FMN1: variants seen among roughly 807,000 people sequenced by gnomAD.
FMN1 encodes formin 1.
Under a neutral mutation model 132.4 loss-of-function variants are expected in FMN1, and 110 were observed. The ratio of observed to expected loss-of-function variants is 0.83; its 90% CI spans 0.71 to 0.97. FMN1 has a LOEUF of 0.97. Ranked by LOEUF, FMN1 falls within the 50% of genes least tolerant of loss-of-function variation. FMN1 has a pLI of 0.00. For missense variants in FMN1, 1,792 were observed against 1,705.3 expected (o/e 1.05, Z -0.90); for synonymous variants, 722 against 651.7 (o/e 1.11, Z -1.64).
At chr15:32,959,910 A>C (rs2030307515) in intron 9 of FMN1, among the ~76,000 whole-genome samples, 1 of 152,248 alleles carries the variant, frequency 6.6e-6, no homozygotes, top group African/African-American at 2.4e-5. Flanking sequence ...ATTTAATACG[A>C]TCCTGCATAA....
intron 10 of FMN1, among the ~76,000 whole-genome samples, chr15:32,915,275 C>A (rs550703711): frequency 3.9e-5 from 6 of 152,120 alleles, no homozygotes; most frequent in African/African-American, 1.4e-4. Flanking sequence ...AGAATCCACA[C>A]CTGATAATTC....
chr15:33,066,722 G>C, intron 5 of FMN1: 1 of 1,613,842 alleles, frequency 6.2e-7, no homozygotes, highest in Non-Finnish European at 8.5e-7. Flanking sequence ...ACCACCCTGG[G>C]TTTGTGGTAC....
chr15:32,842,027 A>G (rs1198910369), intron 17 of FMN1, among the ~76,000 whole-genome samples: 1 of 152,150 alleles, frequency 6.6e-6, no homozygotes, highest in Non-Finnish European at 1.5e-5. Context: ...CCTTCCCTGC[A>G]TGTTTGTGCT....
chr15:33,147,043 T>G (rs1964251948), intron 4 of FMN1, among the ~76,000 whole-genome samples: 1 of 151,480 alleles, frequency 6.6e-6, no homozygotes, highest in African/African-American at 2.4e-5. Context: ...TGCACACCTG[T>G]AATCCCAGCT....
intron 7 of FMN1, among the ~76,000 whole-genome samples, chr15:32,985,478 C>CT (rs1353483837): frequency 3.3e-5 from 5 of 152,122 alleles, no homozygotes; most frequent in Admixed American, 6.6e-5. Context: ...TCCTAGTTGA[C>CT]TGTTAGAAAT....
chr15:32,822,479 A>G (rs1303233341), intron 17 of FMN1, among the ~76,000 whole-genome samples: 3 of 152,186 alleles, frequency 2.0e-5, no homozygotes, highest in Non-Finnish European at 2.9e-5. Context: ...CTAGGTTCTG[A>G]TATTTTTCCC....
At chr15:32,983,814 A>T (rs1380363228) in intron 7 of FMN1, among the ~76,000 whole-genome samples, 1 of 152,214 alleles carries the variant, frequency 6.6e-6, no homozygotes, top group Non-Finnish European at 1.5e-5. Flanking sequence ...AGCATTTTGC[A>T]CTACTATGAC....
intron 9 of FMN1, among the ~76,000 whole-genome samples, chr15:32,946,447 C>G (rs578045487): frequency 2.6e-5 from 4 of 152,324 alleles, no homozygotes; most frequent in South Asian, 2.1e-4. Flanking sequence ...AGATGCCTGA[C>G]TTCTAGTCCT....
chr15:33,149,139 G>A (rs568404345), intron 4 of FMN1, among the ~76,000 whole-genome samples: 3 of 151,954 alleles, frequency 2.0e-5, no homozygotes, highest in Non-Finnish European at 1.5e-5. Flanking sequence ...CAATTTTTCC[G>A]CATCTTTCTC....
chr15:32,778,711 T>C (rs1021489628), intron 19 of FMN1, among the ~76,000 whole-genome samples: 3 of 152,152 alleles, frequency 2.0e-5, no homozygotes, highest in African/African-American at 7.2e-5. Context: ...GTTGATGTGA[T>C]TGTAGAATTA....
chr15:32,893,978 G>A (rs991564579), intron 15 of FMN1, among the ~76,000 whole-genome samples: 1 of 152,144 alleles, frequency 6.6e-6, no homozygotes, highest in African/African-American at 2.4e-5. Flanking sequence ...TGCCACACTA[G>A]TACCTGCTGT....
At chr15:33,083,597 C>T (rs1033378421) in intron 5 of FMN1, among the ~76,000 whole-genome samples, 2 of 152,148 alleles carry the variant, frequency 1.3e-5, no homozygotes, top group African/African-American at 4.8e-5. Flanking sequence ...CAGACCTCAC[C>T]CTATGTATCT....
At chr15:32,912,427 T>C (rs1445457082) in intron 10 of FMN1, among the ~76,000 whole-genome samples, 2 of 152,252 alleles carry the variant, frequency 1.3e-5, no homozygotes, top group African/African-American at 4.8e-5. Context: ...GTACAGGATC[T>C]GTTCTAAATA....
chr15:32,796,378 G>C (rs1483195150), intron 19 of FMN1, among the ~76,000 whole-genome samples: 3 of 152,166 alleles, frequency 2.0e-5, no homozygotes, highest in African/African-American at 7.2e-5. Flanking sequence ...TAAGTGAGTT[G>C]AATTTTTCTG....
intron 10 of FMN1, 122 bp downstream of exon 10, chr15:32,926,052 T>C (rs1428449731): frequency 1.7e-6 from 1 of 602,306 alleles, no homozygotes; most frequent in Admixed American, 3.7e-5. Flanking sequence ...GTTCTGTAGC[T>C]GAGTATTGGG....
chr15:32,942,163 C>T (rs1015409573), intron 9 of FMN1, among the ~76,000 whole-genome samples: 1 of 152,182 alleles, frequency 6.6e-6, no homozygotes, highest in Non-Finnish European at 1.5e-5. Flanking sequence ...TCTCCCAATG[C>T]CTTCCAGAGT....
intron 7 of FMN1, among the ~76,000 whole-genome samples, chr15:33,001,705 T>TTCCGCC (rs2034127411): frequency 4.2e-5 from 2 of 47,228 alleles, no homozygotes; most frequent in African/African-American, 7.8e-5. Flanking sequence ...CGCCTCCCCC[T>TTCCGCC]TCCCCCTCCT....
chr15:33,102,498 TTTC>T (rs981783506), intron 4 of FMN1, among the ~76,000 whole-genome samples: 2 of 151,838 alleles, frequency 1.3e-5, no homozygotes, highest in Admixed American at 6.6e-5. Flanking sequence ...AATGACCAGA[TTTC>T]TTCTCTCCAT....
intron 3 of FMN1, among the ~76,000 whole-genome samples, chr15:33,161,580 A>C (rs1964891100): frequency 6.6e-6 from 1 of 151,978 alleles, no homozygotes; most frequent in Non-Finnish European, 1.5e-5. Context: ...TCTCCTTTCC[A>C]TCCACCCTGG....
Sources: gnomAD v4.1 joint callset for allele counts (sites outside exome capture counted in the v4.1 genomes callset) on GRCh38, gnomAD v4.1.1 for gene constraint, MANE v1.5 for transcripts, NCBI Gene and HGNC (gene_info 2026-07-23, HGNC 2026-07-21) for gene names.